Variants in DOCK9 observed in about 807,000 individuals in gnomAD.
DOCK9 encodes dedicator of cytokinesis protein 9.
In DOCK9, 89 loss-of-function variants were observed where a neutral mutation model predicts 263.3. That is an observed-to-expected ratio of 0.34 (90% CI 0.28 to 0.40). The LOEUF (loss-of-function observed/expected upper bound fraction) is 0.40, where lower values mean the gene tolerates loss of function less well. DOCK9 is among the 10% of genes least tolerant of loss of function. The pLI, the probability that DOCK9 is intolerant of heterozygous loss-of-function variation, is 1.00. For missense variants in DOCK9, 2,140 were observed against 2,603.4 expected (o/e 0.82, Z 3.87); for synonymous variants, 976 against 973.1 (o/e 1.00, Z -0.06).
intron 7 of DOCK9, among the ~76,000 whole-genome samples, chr13:98,918,282 G>A (rs1219074021): frequency 3.3e-5 from 5 of 152,242 alleles, no homozygotes; most frequent in African/African-American, 9.6e-5. Context: ...AGAAGACACT[G>A]ACGAGACCTG....
At chr13:98,882,127 G>A (rs956299681) in intron 23 of DOCK9, 120 bp from the exon 24 acceptor site, 1 of 822,298 alleles carries the variant, frequency 1.2e-6, no homozygotes, top group Non-Finnish European at 2.0e-6. Context: ...GAAGGCTGTG[G>A]TGGGCAGAAT....
intron 38 of DOCK9, among the ~76,000 whole-genome samples, chr13:98,841,086 C>A (rs1827430379): frequency 2.6e-5 from 4 of 152,188 alleles, no homozygotes; most frequent in African/African-American, 9.7e-5. Context: ...TCCTCACAGA[C>A]TGGCAAAGAG....
rs2057686319 is a variant in DOCK9 at position 98,953,553 on chromosome 13, A to C, written c.243+1882T>G. 2.6e-5 allele frequency among the ~76,000 whole-genome samples: 4 copies of C among 152,238 alleles called. No individual in the cohort carries two copies. In the South Asian group the frequency reaches 8.3e-4, roughly 31 times the overall value. On this transcript the variant is annotated intron_variant, in intron 2 of 52. Coordinates refer to ENST00000682017, the MANE Select transcript of DOCK9 (RefSeq NM_001366683.2). Reference sequence around the variant, plus strand: ...AATAGAATTTTTCATTCTAGGTTGCAAACTCAAAAAAGTTGTTACTTTAAT... The same window carrying C: ...AATAGAATTTTTCATTCTAGGTTGCCAACTCAAAAAAGTTGTTACTTTAAT...
At position 98,860,179 on chromosome 13, in the gene DOCK9, G is replaced by A. The variant is rs1261154276; in HGVS notation, c.3697+226C>T. On this transcript the variant is annotated intron_variant, in intron 33 of 52. Coordinates refer to ENST00000682017, the MANE Select transcript of DOCK9 (RefSeq NM_001366683.2). ...CAAAAAGCAAACAGCGTGAGCCAGT[G>A]ATTAACTGTATGATCCTGAGGAGTC... 4 of 1,373,680 alleles carry A rather than the reference G, an allele frequency of 2.9e-6. No individual in the cohort carries two copies. In the Admixed American group the frequency reaches 8.9e-5, roughly 31 times the overall value. 85.1% of individuals were successfully genotyped at this position (1,373,680 alleles called of 1,614,324 possible).
intron 38 of DOCK9, among the ~76,000 whole-genome samples, chr13:98,842,428 T>C (rs1203590185): frequency 6.6e-6 from 1 of 152,250 alleles, no homozygotes; most frequent in African/African-American, 2.4e-5. Context: ...TCAAATTATA[T>C]GAAATCCAGA....
intron 3 of DOCK9, 146 bp from the exon 4 acceptor site, chr13:98,926,065 C>A: frequency 1.7e-6 from 1 of 571,436 alleles, no homozygotes; most frequent in South Asian, 2.3e-5. Flanking sequence ...GAAATTCCAC[C>A]ACCAGAGATT....
At chr13:98,884,826 A>G in intron 21 of DOCK9, 145 bp downstream of exon 21, 1 of 1,075,566 alleles carries the variant, frequency 9.3e-7, no homozygotes, top group Non-Finnish European at 1.3e-6. Flanking sequence ...TCAATTGGCC[A>G]AAGTTTACTT....
chr13:98,888,505 G>C lies in DOCK9; in HGVS notation c.1832C>G (p.Thr611Ser), dbSNP rs2046142792. ...AAACGTGATGGGAGTTTTACTGCAG[G>C]TTTCAAATTGTTTTGTGGGAATGTA... ...SSYIPTKQFE[T>S]CSKTPITFEV... Residue 611 changes from threonine to serine, a missense_variant, in exon 17 of 53, where the codon ACC (threonine) becomes AGC (serine). Coordinates refer to ENST00000682017, the MANE Select transcript of DOCK9 (RefSeq NM_001366683.2). 2.5e-6 allele frequency: 4 copies of C among 1,613,826 alleles called. No homozygotes were observed. The Admixed American group carries it at 6.7e-5, about 27-fold the overall frequency.
intron 25 of DOCK9, among the ~76,000 whole-genome samples, chr13:98,880,911 C>T (rs2044645899): frequency 6.6e-6 from 1 of 151,914 alleles, no homozygotes; most frequent in Admixed American, 6.5e-5. Context: ...CAGCCCGTAA[C>T]TCCACCTGTG....
intron 27 of DOCK9, among the ~76,000 whole-genome samples, chr13:98,874,346 C>G (rs954758005): frequency 3.9e-5 from 6 of 152,212 alleles, no homozygotes; most frequent in African/African-American, 1.4e-4. Flanking sequence ...TACTAAGTAG[C>G]ATTCTATTGT....
At chr13:98,949,788 A>G (rs2057187025) in intron 2 of DOCK9, 2 of 451,038 alleles carry the variant, frequency 4.4e-6, no homozygotes, top group Non-Finnish European at 8.7e-6. Flanking sequence ...GAGGAAGCCC[A>G]CTCTATTCTT....
intron 37 of DOCK9, among the ~76,000 whole-genome samples, chr13:98,848,356 C>G (rs1349269019): frequency 6.6e-6 from 1 of 152,030 alleles, no homozygotes; most frequent in African/African-American, 2.4e-5. Flanking sequence ...AGACACAGCC[C>G]GCTAAAGGAA....
chr13:98,889,843 G>A (rs1036884086), intron 15 of DOCK9, among the ~76,000 whole-genome samples: 1 of 152,072 alleles, frequency 6.6e-6, no homozygotes, highest in Non-Finnish European at 1.5e-5. Flanking sequence ...GCCAGTGTGG[G>A]TGCACAGCTG....
intron 1 of DOCK9, among the ~76,000 whole-genome samples, chr13:98,967,465 T>C (rs1355737253): frequency 6.6e-6 from 1 of 152,210 alleles, no homozygotes; most frequent in Non-Finnish European, 1.5e-5. Context: ...AATTAGATGG[T>C]TTACTGAAGG....
Position 98,969,421 on chromosome 13 carries a change from T to TC in DOCK9, c.126+8362dup, listed in dbSNP as rs143660283. Among the ~76,000 whole-genome samples the TC allele has an allele frequency of 3.1e-3, 464 of 150,278 alleles. 2 individuals carry two copies. The highest frequency in any genetic ancestry group is 0.011 in the African/African-American group (438 of 40,792). On this transcript the variant is annotated intron_variant, in intron 1 of 52. Coordinates refer to ENST00000682017, the MANE Select transcript of DOCK9 (RefSeq NM_001366683.2). ...TCGCAACCTTTTTTTGCCTATACATTCCCCAAAGAGTCACCAGGACCATGC... is the reference window on the plus strand; with the variant it reads ...TCGCAACCTTTTTTTGCCTATACATTCCCCCAAAGAGTCACCAGGACCATGC...
intron 1 of DOCK9, among the ~76,000 whole-genome samples, chr13:99,028,758 T>C (rs970658222): frequency 6.6e-6 from 1 of 152,202 alleles, no homozygotes; most frequent in Non-Finnish European, 1.5e-5. Context: ...AATGAGACTT[T>C]GTGACACTGC....
chr13:98,949,379 C>G (rs186959441), intron 2 of DOCK9, among the ~76,000 whole-genome samples: 1 of 152,296 alleles, frequency 6.6e-6, no homozygotes, highest in Non-Finnish European at 1.5e-5. Flanking sequence ...TTACAGGAGT[C>G]TTACAGAGCC....
intron 1 of DOCK9, among the ~76,000 whole-genome samples, chr13:99,082,301 T>C (rs1447173203): frequency 6.6e-6 from 1 of 151,912 alleles, no homozygotes; most frequent in Non-Finnish European, 1.5e-5. Context: ...GCGGATCACC[T>C]GAGGTGAGGA....
chr13:98,883,018 G>A, intron 23 of DOCK9, 24 bp downstream of exon 23: 1 of 1,596,414 alleles, frequency 6.3e-7, no homozygotes, highest in Non-Finnish European at 8.6e-7. Flanking sequence ...CTTAAAAGGG[G>A]ATACTAAGAA....
Sources: gnomAD v4.1 joint callset for allele counts (sites outside exome capture counted in the v4.1 genomes callset) on GRCh38, gnomAD v4.1.1 for gene constraint, MANE v1.5 for transcripts, NCBI Gene and HGNC (gene_info 2026-07-23, HGNC 2026-07-21) for gene names.